The following PTPRD variants were observed in gnomAD, a reference collection of about 807,000 sequenced individuals.
PTPRD encodes protein tyrosine phosphatase receptor type D, also known as receptor-type tyrosine-protein phosphatase delta.
In PTPRD, 34 loss-of-function variants were observed where a neutral mutation model predicts 214.5. The observed-to-expected ratio is 0.16, with a 90% CI of 0.12 to 0.21. The LOEUF (loss-of-function observed/expected upper bound fraction) is 0.21, where lower values mean the gene tolerates loss of function less well. Among genes scored for constraint, PTPRD ranks in the 10% least tolerant of loss-of-function variants. The pLI is 1.00. For synonymous variants in PTPRD, 1,128 were observed against 845.7 expected, an observed-to-expected ratio of 1.33 and a Z score of -5.79; for missense variants, 2,545 against 2,398.7, an observed-to-expected ratio of 1.06 and a Z score of -1.27.
At chr9:9,559,472 G>C (rs1210903770) in intron 8 of PTPRD, among the ~76,000 whole-genome samples, 4 of 152,230 alleles carry the variant, frequency 2.6e-5, no homozygotes, top group African/African-American at 9.6e-5. Context: ...TGCACATTCA[G>C]TTTTAATAGG....
At chr9:10,356,725 G>A (rs978809221) in intron 2 of PTPRD, among the ~76,000 whole-genome samples, 5 of 151,170 alleles carry the variant, frequency 3.3e-5, no homozygotes, top group Non-Finnish European at 7.4e-5. Context: ...CTGTCGCCAC[G>A]TTGTAGTGCA....
intron 3 of PTPRD, among the ~76,000 whole-genome samples, chr9:10,095,700 A>G (rs2098476299): frequency 6.6e-6 from 1 of 151,634 alleles, no homozygotes. Flanking sequence ...ATTATGTGTT[A>G]CATGATAATT....
At chr9:9,308,420 T>C (rs1285581918) in intron 9 of PTPRD, among the ~76,000 whole-genome samples, 2 of 152,152 alleles carry the variant, frequency 1.3e-5, no homozygotes, top group Admixed American at 6.6e-5. Flanking sequence ...ATGGCCAAAA[T>C]ACTAATCGTC....
In PTPRD at chr9:9,267,618, A is replaced by T. The variant is rs140522821; in HGVS notation, c.-202-84255T>A. On this transcript the variant is annotated intron_variant, in intron 9 of 45. Coordinates refer to ENST00000381196, the MANE Select transcript of PTPRD (RefSeq NM_002839.4). ...GCCAATATCCCTGGTGAGCATAGAT[A>T]AAAAATTCTCAAAAATTACCAGCAA... 4.3e-3 allele frequency among the ~76,000 whole-genome samples: 656 copies of T among 151,378 alleles called. 4 individuals carry two copies. The highest frequency in any genetic ancestry group is 0.014 in the African/African-American group (574 of 41,458).
At chr9:9,364,001 C>T (rs1596401410) in intron 9 of PTPRD, among the ~76,000 whole-genome samples, 1 of 151,470 alleles carries the variant, frequency 6.6e-6, no homozygotes, top group Non-Finnish European at 1.5e-5. Context: ...TAGTTGAAGG[C>T]TAATACCACT....
At chr9:9,371,607 T>TGAAGGAGACACAAA (rs2059516939) in intron 9 of PTPRD, among the ~76,000 whole-genome samples, 1 of 152,190 alleles carries the variant, frequency 6.6e-6, no homozygotes, top group South Asian at 2.1e-4. Context: ...TGTGTCTCTA[T>TGAAGGAGACACAAA]CTCCTTCAGT....
chr9:8,711,170 T>C (rs1012161330), intron 12 of PTPRD, among the ~76,000 whole-genome samples: 1 of 152,042 alleles, frequency 6.6e-6, no homozygotes, highest in African/African-American at 2.4e-5. Flanking sequence ...TACCAATATA[T>C]ATGTAAGATA....
intron 7 of PTPRD, among the ~76,000 whole-genome samples, chr9:9,667,269 G>T (rs2096741826): frequency 6.6e-6 from 1 of 151,874 alleles, no homozygotes; most frequent in Non-Finnish European, 1.5e-5. Flanking sequence ...ACCATACCTT[G>T]CTCAAATTCT....
intron 3 of PTPRD, among the ~76,000 whole-genome samples, chr9:10,132,215 A>G (rs1325656550): frequency 6.6e-6 from 1 of 152,148 alleles, no homozygotes; most frequent in African/African-American, 2.4e-5. Context: ...AATGAAAATG[A>G]TGTGAGACTT....
chr9:9,706,389 T>C (rs72708432), intron 7 of PTPRD, among the ~76,000 whole-genome samples: 1,763 of 152,278 alleles, frequency 0.012, 24 homozygotes, highest in Middle Eastern at 0.027. Context: ...AAGAGTACTA[T>C]TGTACTATTG....
chr9:9,491,742 A>G (rs1589769056), intron 8 of PTPRD, among the ~76,000 whole-genome samples: 1 of 152,090 alleles, frequency 6.6e-6, no homozygotes, highest in East Asian at 1.9e-4. Context: ...AATAAAATAA[A>G]ACCACAACAT....
At chr9:10,435,315 C>G (rs184134023) in intron 2 of PTPRD, among the ~76,000 whole-genome samples, 1 of 151,956 alleles carries the variant, frequency 6.6e-6, no homozygotes, top group East Asian at 1.9e-4. Context: ...ATAAGGTATC[C>G]TAATAGCACT....
At chr9:9,004,366 C>A (rs2099444597) in intron 11 of PTPRD, among the ~76,000 whole-genome samples, 1 of 151,960 alleles carries the variant, frequency 6.6e-6, no homozygotes, top group Non-Finnish European at 1.5e-5. Context: ...TCCTACATTT[C>A]AACCATCTCA....
intron 5 of PTPRD, among the ~76,000 whole-genome samples, chr9:9,767,760 TA>T (rs942091474): frequency 2.6e-5 from 4 of 152,028 alleles, no homozygotes; most frequent in African/African-American, 4.8e-5. Flanking sequence ...AATAACACCC[TA>T]AAAAAATAGA....
intron 11 of PTPRD, among the ~76,000 whole-genome samples, chr9:8,855,201 G>A (rs189045156): frequency 2.0e-5 from 3 of 151,592 alleles, no homozygotes; most frequent in East Asian, 1.9e-4. Context: ...CTGGATATAA[G>A]AACAGTTATA....
chr9:9,580,536 T>C (rs1277067538), intron 7 of PTPRD, among the ~76,000 whole-genome samples: 1 of 147,436 alleles, frequency 6.8e-6, no homozygotes, highest in African/African-American at 2.5e-5. Context: ...GTCCTTAGCT[T>C]ACTTTATTTT....
chr9:10,065,230 C>G (rs2097856647), intron 3 of PTPRD, among the ~76,000 whole-genome samples: 1 of 137,254 alleles, frequency 7.3e-6, no homozygotes, highest in Non-Finnish European at 1.6e-5. Flanking sequence ...CTTATCATTT[C>G]CAGTACATGT....
intron 39 of PTPRD, among the ~76,000 whole-genome samples, chr9:8,361,381 T>G (rs1009374083): frequency 3.3e-5 from 5 of 152,152 alleles, no homozygotes; most frequent in African/African-American, 1.2e-4. Context: ...TAAGGACAAT[T>G]TGGGGTACAA....
At chr9:10,550,793 T>C (rs2061169089) in intron 2 of PTPRD, among the ~76,000 whole-genome samples, 1 of 152,206 alleles carries the variant, frequency 6.6e-6, no homozygotes, top group Non-Finnish European at 1.5e-5. Flanking sequence ...CTGAAATTGG[T>C]TGGGCAAAAG....
Sources: allele counts gnomAD v4.1 joint callset (sites outside exome capture counted in the v4.1 genomes callset), GRCh38; gene constraint gnomAD v4.1.1; transcripts MANE v1.5; gene names NCBI Gene and HGNC (gene_info 2026-07-23, HGNC 2026-07-21).